The following TRAPPC8 variants were observed in gnomAD, a reference collection of about 807,000 sequenced individuals.
TRAPPC8 encodes trafficking protein particle complex subunit 8, also known as general sporulation gene 1 homolog.
In TRAPPC8, 54 loss-of-function variants were observed where a neutral mutation model predicts 174.3. The ratio of observed to expected loss-of-function variants is 0.31; its 90% confidence interval spans 0.25 to 0.39. The LOEUF (loss-of-function observed/expected upper bound fraction) is 0.39, where lower values mean the gene tolerates loss of function less well. Ranked by LOEUF, TRAPPC8 falls within the 10% of genes least tolerant of loss-of-function variation. TRAPPC8 has a pLI of 1.00. For synonymous variants in TRAPPC8, 630 were observed against 579.9 expected (o/e 1.09, Z -1.24); for missense variants, 1,531 against 1,699.1 (o/e 0.90, Z 1.74).
chr18:31,935,068 G>T (rs2038023270), intron 1 of TRAPPC8, among the ~76,000 whole-genome samples: 1 of 151,874 alleles, frequency 6.6e-6, no homozygotes, highest in South Asian at 2.1e-4. Context: ...GGCTAGGCCG[G>T]GCGTGATGGC....
chr18:31,873,998 T>TG (rs1173620733), intron 13 of TRAPPC8: 2 of 180,478 alleles, frequency 1.1e-5, no homozygotes, highest in Non-Finnish European at 2.3e-5. Context: ...TATGTTTATC[T>TG]GCTTGCCTCA....
Position 31,897,962 on chromosome 18 carries a change from CAA to C in TRAPPC8, c.1491-73_1491-72del, listed in dbSNP as rs1227496801. 5 of 1,295,558 alleles carry C rather than the reference CAA, an allele frequency of 3.9e-6. No homozygotes were observed. The African/African-American group carries it at 4.4e-5, about 11-fold the overall frequency. 80.3% of individuals were successfully genotyped at this position (1,295,558 alleles called of 1,614,324 possible). A position where few individuals can be genotyped will look rare whatever the true frequency, so the allele number is the denominator to read the frequency against. On this transcript the variant is annotated intron_variant, in intron 10 of 28. Coordinates refer to ENST00000283351, the MANE Select transcript of TRAPPC8 (RefSeq NM_014939.5). ...AGCACATCAAAGTAAATGTGTTCAG[CAA>C]AAGATTCCAATTACAGTTTTAGAGG... is the stretch of plus-strand genomic sequence containing the variant.
intron 9 of TRAPPC8, among the ~76,000 whole-genome samples, 189 bp downstream of exon 9, chr18:31,907,271 C>A (rs1598718451): frequency 6.6e-6 from 1 of 152,140 alleles, no homozygotes; most frequent in Non-Finnish European, 1.5e-5. Flanking sequence ...GCATGTGCCA[C>A]CATACCCAGC....
At chr18:31,836,758 CTTTT>C (rs68104803) in intron 27 of TRAPPC8, among the ~76,000 whole-genome samples, 3 of 89,830 alleles carry the variant, frequency 3.3e-5, no homozygotes, top group African/African-American at 9.5e-5. Flanking sequence ...ATCTTTCAGT[CTTTT>C]TTTTTTTTTT....
chr18:31,832,839 C>T (rs1277405468), intron 27 of TRAPPC8, among the ~76,000 whole-genome samples: 1 of 151,932 alleles, frequency 6.6e-6, no homozygotes, highest in Non-Finnish European at 1.5e-5. Flanking sequence ...ACAAATGAAG[C>T]AGGGTTATAT....
rs1029410963 is a variant in TRAPPC8 at position 31,890,611 on chromosome 18, T to C, written c.1728+124A>G. On this transcript the variant is annotated intron_variant, in intron 12 of 28. Transcript: ENST00000283351. ...TGTCTAAATCCAAATCTCACGCCCT[T>C]ACCAATACATTACCTCAGAACAAAA... is the stretch of plus-strand genomic sequence containing the variant. 13 of 1,083,156 alleles carry C rather than the reference T, an allele frequency of 1.2e-5. No individual in the cohort carries two copies. The African/African-American group carries it at 2.1e-4, about 18-fold the overall frequency. The allele number at this position is 1,083,156 out of a possible 1,614,324, so 67.1% of individuals were successfully genotyped here.
At chr18:31,844,432 G>A (rs1450187755) in intron 26 of TRAPPC8, 1 of 152,024 alleles carries the variant, frequency 6.6e-6, no homozygotes, top group Non-Finnish European at 1.5e-5. Context: ...GTCCTGGTTT[G>A]GAGTGTTCCT....
rs2036288644 is a variant in TRAPPC8, at chr18:31,898,786, CAA to C, written c.1491-897_1491-896del. Reference sequence around the variant, plus strand: ...TATCCATTTTAGAAAAGAATAAAAACAAATGAAAACATTCTTACTATGAAATT... The same window carrying C: ...TATCCATTTTAGAAAAGAATAAAAACATGAAAACATTCTTACTATGAAATT... On this transcript the variant is annotated intron_variant, in intron 10 of 28. Coordinates refer to ENST00000283351, the MANE Select transcript of TRAPPC8 (RefSeq NM_014939.5). Among the ~76,000 whole-genome samples the C allele has an allele frequency of 2.0e-5, 3 of 152,078 alleles. No homozygotes were observed. In the South Asian group the frequency reaches 6.2e-4, roughly 32 times the overall value.
intron 9 of TRAPPC8, 52 bp downstream of exon 9, chr18:31,907,407 TA>T (rs2036710019): frequency 6.7e-7 from 1 of 1,496,868 alleles, no homozygotes; most frequent in Non-Finnish European, 9.0e-7. Context: ...GAGAAATTTC[TA>T]AATAATTTAT....
rs745488703 is a variant in TRAPPC8 at position 31,935,548 on chromosome 18, T to TGAAAAAAAAAAAA, written c.158-4026_158-4025insTTTTTTTTTTTTC. Among the ~76,000 whole-genome samples, 106 of 46,242 alleles carry TGAAAAAAAAAAAA rather than the reference T, an allele frequency of 2.3e-3. 31 individuals carry two copies. The highest frequency in any genetic ancestry group is 5.9e-3 in the African/African-American group (53 of 9,030). 30.3% of individuals were successfully genotyped at this position (46,242 alleles called of 152,430 possible). A position where few individuals can be genotyped will look rare whatever the true frequency, so the allele number is the denominator to read the frequency against. On this transcript the variant is annotated intron_variant, in intron 1 of 28. Coordinates refer to ENST00000283351, the MANE Select transcript of TRAPPC8 (RefSeq NM_014939.5). ...GGGCAACAAGAGCGAAACTCCATCT[T>TGAAAAAAAAAAAA]AAAAAAAAAAAAAAAAAAAAGCAGG...
At chr18:31,929,356 T>A (rs959393905) in intron 2 of TRAPPC8, among the ~76,000 whole-genome samples, 1 of 151,940 alleles carries the variant, frequency 6.6e-6, no homozygotes, top group African/African-American at 2.4e-5. Context: ...TGAGACCCTG[T>A]CTCTACAAAA....
At chr18:31,903,103 T>TGCGC (rs1555674879) in intron 9 of TRAPPC8, among the ~76,000 whole-genome samples, 8 of 70,788 alleles carry the variant, frequency 1.1e-4, no homozygotes, top group East Asian at 4.2e-4. Flanking sequence ...GCTTTTTGAT[T>TGCGC]GCGCGCGTGC....
At chr18:31,910,806 A>G (rs2036872796) in intron 5 of TRAPPC8, among the ~76,000 whole-genome samples, 1 of 152,226 alleles carries the variant, frequency 6.6e-6, no homozygotes, top group South Asian at 2.1e-4. Flanking sequence ...CTTTCTGCTA[A>G]AAGTTCTCAT....
At position 31,873,435 on chromosome 18, in the gene TRAPPC8, G is replaced by A. The variant is rs746993694; in HGVS notation, c.2057C>T (p.Ala686Val). 21 of 1,610,666 alleles carry A rather than the reference G, an allele frequency of 1.3e-5. No individual in the cohort carries two copies. Among genetic ancestry groups the A allele is most frequent in the Middle Eastern group, 1.6e-4 (1 of 6,074 alleles). ...RVFFGHDRRP[A>V]DGEKQAATHV... ...CTAAATAAAACTTTACTAACCATCC[G>A]CTGGTCGTCTGTCATGGCCAAAAAA... Residue 686 changes from alanine to valine, a missense_variant, in exon 14 of 29, where the codon GCG becomes GTG. By Grantham distance (64) the Ala-to-Val change is moderately conservative. Coordinates refer to ENST00000283351, the MANE Select transcript of TRAPPC8 (RefSeq NM_014939.5).
chr18:31,913,963 A>AG (rs1370252547), intron 4 of TRAPPC8, among the ~76,000 whole-genome samples: 1 of 152,032 alleles, frequency 6.6e-6, no homozygotes, highest in Non-Finnish European at 1.5e-5. Flanking sequence ...GTCAGGAGTT[A>AG]GAGACCATCC....
intron 2 of TRAPPC8, among the ~76,000 whole-genome samples, chr18:31,930,363 G>A (rs2037797548): frequency 1.3e-5 from 2 of 151,834 alleles, no homozygotes; most frequent in South Asian, 2.1e-4. Context: ...CAAGTGATCC[G>A]CCTGCCTCGG....
At chr18:31,870,281 T>C (rs1857827722) in intron 16 of TRAPPC8, 91 bp downstream of exon 16, 2 of 1,156,892 alleles carry the variant, frequency 1.7e-6, no homozygotes, top group African/African-American at 1.6e-5. Context: ...AAAAGAAGTA[T>C]AGCTCACTGA....
intron 12 of TRAPPC8, among the ~76,000 whole-genome samples, chr18:31,889,438 A>T (rs544827476): frequency 1.3e-5 from 2 of 152,346 alleles, no homozygotes; most frequent in Non-Finnish European, 2.9e-5. Context: ...TTTCAATAGG[A>T]GACAATAGAC....
chr18:31,867,187 T>A (rs1044529182), intron 17 of TRAPPC8, among the ~76,000 whole-genome samples: 1 of 152,132 alleles, frequency 6.6e-6, no homozygotes, highest in African/African-American at 2.4e-5. Flanking sequence ...AAAAAGCATA[T>A]CAAGAAGAAA....
Sources: allele counts gnomAD v4.1 joint callset (sites outside exome capture counted in the v4.1 genomes callset), GRCh38; gene constraint gnomAD v4.1.1; transcripts MANE v1.5; gene names NCBI Gene and HGNC (gene_info 2026-07-23, HGNC 2026-07-21).